The following PDE4D variants were observed in gnomAD, a reference collection of about 807,000 sequenced individuals.
PDE4D encodes the protein 3',5'-cyclic-AMP phosphodiesterase 4D.
Under a neutral mutation model 87.4 loss-of-function variants are expected in PDE4D, and 24 were observed. That is an observed-to-expected ratio of 0.27 (90% CI 0.20 to 0.39). The LOEUF (loss-of-function observed/expected upper bound fraction) is 0.39. PDE4D is among the 10% of genes least tolerant of loss of function. The probability of loss-of-function intolerance (pLI) is 1.00; values close to 1 mark genes in which losing one functional copy is unlikely to be tolerated. For synonymous variants in PDE4D, 384 were observed against 383.2 expected, an observed-to-expected ratio of 1.00 and a Z score of -0.02; for missense variants, 714 against 1,041.0, an observed-to-expected ratio of 0.69 and a Z score of 4.32.
At chr5:59,514,509 CATTTT>C (rs1481799352) in intron 1 of PDE4D, among the ~76,000 whole-genome samples, 2 of 152,216 alleles carry the variant, frequency 1.3e-5, no homozygotes, top group East Asian at 3.9e-4. Context: ...GCCTCAAAAT[CATTTT>C]ATTTATTTAT....
At chr5:58,988,160 T>C (rs952802198) in intron 11 of PDE4D, among the ~76,000 whole-genome samples, 8 of 152,114 alleles carry the variant, frequency 5.3e-5, no homozygotes, top group African/African-American at 1.9e-4. Context: ...TACCATTAAT[T>C]CTCATAACTT....
chr5:59,303,661 TTA>T (rs1166468987), intron 1 of PDE4D, among the ~76,000 whole-genome samples: 1 of 152,052 alleles, frequency 6.6e-6, no homozygotes, highest in Non-Finnish European at 1.5e-5. Context: ...TTTCCCCACT[TTA>T]TGTTTTTGTT....
At chr5:59,334,219 A>G (rs911042779) in intron 1 of PDE4D, among the ~76,000 whole-genome samples, 6 of 151,004 alleles carry the variant, frequency 4.0e-5, no homozygotes, top group African/African-American at 1.5e-4. Context: ...AATTAGGGGA[A>G]AAAAGTTGGA....
chr5:59,311,551 G>C (rs1395634276), intron 1 of PDE4D, among the ~76,000 whole-genome samples: 1 of 122,336 alleles, frequency 8.2e-6, no homozygotes, highest in Non-Finnish European at 1.7e-5. Context: ...AGATGAAGAA[G>C]AAGGGACTCT....
intron 5 of PDE4D, among the ~76,000 whole-genome samples, chr5:59,110,449 G>A (rs561637932): frequency 1.6e-4 from 25 of 152,336 alleles, no homozygotes; most frequent in Admixed American, 1.4e-3. Context: ...AGCAGCTCCA[G>A]CATGTACACA....
intron 1 of PDE4D, among the ~76,000 whole-genome samples, chr5:59,257,885 A>AC (rs1204265544): frequency 6.6e-6 from 1 of 151,880 alleles, no homozygotes; most frequent in African/African-American, 2.4e-5. Flanking sequence ...ACCTCGGCTC[A>AC]CCAAGGCCCC....
At chr5:60,054,852 G>A (rs1436270349) in intron 2 of PDE4D, among the ~76,000 whole-genome samples, 5 of 151,974 alleles carry the variant, frequency 3.3e-5, no homozygotes, top group Non-Finnish European at 7.4e-5. Flanking sequence ...CCAAAACTGT[G>A]GGAAGAAGAA....
Position 60,122,174 on chromosome 5 carries a change from G to A in PDE4D, c.42+63383C>T, listed in dbSNP as rs116962953. ...CCACTGGCTGCTTTCATGGGCTGGC[G>A]TTGAGTATCTGTGGCTTTTCCAGGC... is the stretch of plus-strand genomic sequence containing the variant. On this transcript the variant is annotated intron_variant, in intron 2 of 16. Transcript: ENST00000502484. Among the ~76,000 whole-genome samples the A allele has an allele frequency of 3.5e-4, 53 of 152,290 alleles. No individual in the cohort carries two copies. In the East Asian group the frequency reaches 7.9e-3, roughly 23 times the overall value.
At chr5:59,489,297 T>C (rs1047803653) in intron 1 of PDE4D, among the ~76,000 whole-genome samples, 5 of 148,726 alleles carry the variant, frequency 3.4e-5, no homozygotes, top group Admixed American at 3.4e-4. Context: ...AAAAAAAACA[T>C]TGTTGCTGTG....
At chr5:59,262,213 A>C (rs992543274) in intron 1 of PDE4D, among the ~76,000 whole-genome samples, 1 of 151,940 alleles carries the variant, frequency 6.6e-6, no homozygotes, top group Non-Finnish European at 1.5e-5. Flanking sequence ...TCTAACAGCC[A>C]GCAGGGTACC....
chr5:60,278,825 C>T (rs542397216), intron 1 of PDE4D, among the ~76,000 whole-genome samples: 21 of 152,130 alleles, frequency 1.4e-4, no homozygotes, highest in African/African-American at 5.1e-4. Flanking sequence ...TTCAGATTTG[C>T]TCATTGAAGC....
At position 58,970,351 on chromosome 5, in the gene PDE4D, TAC is replaced by T. The variant is rs1742400438; in HGVS notation, c.*4311_*4312del. 1 of 152,170 alleles carries T rather than the reference TAC, an allele frequency of 6.6e-6. No individual in the cohort carries two copies. The highest frequency in any genetic ancestry group is 1.5e-5 in the Non-Finnish European group (1 of 68,034). The allele number at this position is 152,170 out of a possible 1,614,324, so 9.4% of individuals were successfully genotyped here. A position where few individuals can be genotyped will look rare whatever the true frequency, so the allele number is the denominator to read the frequency against. ...CCTTTGGGCCAGGGCTGCTAAAATCTACAGTTTGTGTCAAAAAATAAAATAAA... is the reference window on the plus strand; with the variant it reads ...CCTTTGGGCCAGGGCTGCTAAAATCTAGTTTGTGTCAAAAAATAAAATAAA... On this transcript the variant is annotated 3_prime_UTR_variant, in exon 15 of 15. Transcript: ENST00000340635.
At chr5:59,990,534 AAAAC>A (rs1206214072) in intron 2 of PDE4D, among the ~76,000 whole-genome samples, 2 of 56,078 alleles carry the variant, frequency 3.6e-5, no homozygotes, top group African/African-American at 8.1e-5. Context: ...GAAGATTTAA[AAAAC>A]AAACAAAAAA....
intron 1 of PDE4D, among the ~76,000 whole-genome samples, chr5:59,863,774 AT>A (rs570777168): frequency 2.6e-5 from 4 of 151,986 alleles, no homozygotes; most frequent in African/African-American, 4.8e-5. Context: ...TTAGTTTAGG[AT>A]TTTTTTTAAC....
intron 2 of PDE4D, among the ~76,000 whole-genome samples, chr5:59,997,220 A>G (rs953645621): frequency 2.6e-5 from 4 of 152,196 alleles, no homozygotes; most frequent in Admixed American, 6.5e-5. Context: ...TATTTCCTTC[A>G]CAGTTACATA....
intron 1 of PDE4D, among the ~76,000 whole-genome samples, chr5:60,419,237 A>G (rs769298735): frequency 6.6e-6 from 1 of 152,206 alleles, no homozygotes; most frequent in Non-Finnish European, 1.5e-5. Flanking sequence ...GAGTAAAAAT[A>G]GGAATCTGGT....
At chr5:58,977,168 T>C (rs1266397594) in intron 12 of PDE4D, 23 bp downstream of exon 12, 1 of 1,595,232 alleles carries the variant, frequency 6.3e-7, no homozygotes, top group South Asian at 1.1e-5. Context: ...AGTTCTCTTC[T>C]TTGGCTTTTA....
chr5:60,431,447 A>C (rs1294227068), intron 1 of PDE4D, among the ~76,000 whole-genome samples: 2 of 143,480 alleles, frequency 1.4e-5, no homozygotes, highest in Non-Finnish European at 3.0e-5. Context: ...GCGGCGGGGC[A>C]GAGGCTCTCC....
chr5:60,450,984 A>G (rs2083776282), intron 1 of PDE4D, among the ~76,000 whole-genome samples: 1 of 152,138 alleles, frequency 6.6e-6, no homozygotes, highest in African/African-American at 2.4e-5. Context: ...TAAATGGCCC[A>G]ACATAGAAGA....
Sources: gnomAD v4.1 joint callset for allele counts (sites outside exome capture counted in the v4.1 genomes callset) on GRCh38, gnomAD v4.1.1 for gene constraint, MANE v1.5 for transcripts, NCBI Gene and HGNC (gene_info 2026-07-23, HGNC 2026-07-21) for gene names.